The following R3HDM1 variants were observed in gnomAD, a reference collection of about 807,000 sequenced individuals.
R3HDM1 encodes the protein R3H domain containing 1, also known as R3H domain-containing protein 1.
R3HDM1 carries 46 observed loss-of-function variants against 141.1 expected under a neutral mutation model. That is an observed-to-expected ratio of 0.33 (90% CI 0.26 to 0.42). The LOEUF is 0.42. Ranked by LOEUF, R3HDM1 falls within the 10% of genes least tolerant of loss-of-function variation. The pLI, the probability that R3HDM1 is intolerant of heterozygous loss-of-function variation, is 1.00. For missense variants in R3HDM1, 1,184 were observed against 1,368.3 expected, an observed-to-expected ratio of 0.87 and a Z score of 2.12; for synonymous variants, 435 against 472.9, an observed-to-expected ratio of 0.92 and a Z score of 1.04.
chr2:135,571,875 C>T (rs1379574857), intron 1 of R3HDM1, among the ~76,000 whole-genome samples: 2 of 152,218 alleles, frequency 1.3e-5, no homozygotes, highest in Non-Finnish European at 2.9e-5. Flanking sequence ...ATCTACCCGC[C>T]TTGGCTTCCC....
chr2:135,545,094 C>G (rs1698408727), intron 1 of R3HDM1, among the ~76,000 whole-genome samples: 1 of 152,146 alleles, frequency 6.6e-6, no homozygotes, highest in Non-Finnish European at 1.5e-5. Flanking sequence ...AAAATAAATT[C>G]CTGTGGTTAA....
intron 11 of R3HDM1, 108 bp downstream of exon 11, chr2:135,636,291 G>C: frequency 6.9e-7 from 1 of 1,446,008 alleles, no homozygotes; most frequent in Non-Finnish European, 9.1e-7. Flanking sequence ...AATCACATTT[G>C]TTGCACATAA....
chr2:135,626,205 G>GCTTGCTTGCTTGCTTGCT (rs2062014749), intron 7 of R3HDM1, among the ~76,000 whole-genome samples: 1 of 116,136 alleles, frequency 8.6e-6, no homozygotes, highest in African/African-American at 4.3e-5. Context: ...GCGTGCGTGC[G>GCTTGCTTGCTTGCTTGCT]TGCGTGCTTG....
chr2:135,693,817 G>A (rs2072806883), intron 21 of R3HDM1, among the ~76,000 whole-genome samples: 1 of 152,036 alleles, frequency 6.6e-6, no homozygotes, highest in Non-Finnish European at 1.5e-5. Context: ...AGACCAGCCT[G>A]GCCAACATAG....
chr2:135,620,340 G>A, intron 5 of R3HDM1: 1 of 875,398 alleles, frequency 1.1e-6, no homozygotes, highest in Non-Finnish European at 1.4e-6. Context: ...GTTATGAAAA[G>A]CGTAAAGAAA....
At chr2:135,697,051 C>G (rs1460666624) in intron 21 of R3HDM1, among the ~76,000 whole-genome samples, 1 of 151,788 alleles carries the variant, frequency 6.6e-6, no homozygotes, top group Non-Finnish European at 1.5e-5. Flanking sequence ...GGTGAGAGAT[C>G]GGGGGGAAAC....
chr2:135,690,294 T>C (rs956140525), intron 21 of R3HDM1, among the ~76,000 whole-genome samples: 1 of 152,160 alleles, frequency 6.6e-6, no homozygotes, highest in African/African-American at 2.4e-5. Context: ...AGTCTGTCGA[T>C]CTGAACTATA....
chr2:135,616,022 A>C, intron 3 of R3HDM1, 130 bp from the exon 4 acceptor site: 1 of 800,612 alleles, frequency 1.2e-6, no homozygotes, highest in East Asian at 2.9e-5. Flanking sequence ...CTTTACTGAA[A>C]CCAACTTTGA....
intron 1 of R3HDM1, among the ~76,000 whole-genome samples, chr2:135,555,296 C>CA (rs59569889): frequency 0.11 from 8,691 of 79,406 alleles, 564 homozygotes; most frequent in African/African-American, 0.23. Context: ...ACTCTTGTCT[C>CA]AAAAAAAAAA....
At chr2:135,631,661 T>C in intron 7 of R3HDM1, 57 bp from the exon 8 acceptor site, 1 of 1,406,832 alleles carries the variant, frequency 7.1e-7, no homozygotes, top group Non-Finnish European at 9.6e-7. Flanking sequence ...GCTGTTGACA[T>C]TTGTGATTAC....
intron 1 of R3HDM1, among the ~76,000 whole-genome samples, chr2:135,568,100 G>C (rs1180856336): frequency 6.6e-6 from 1 of 151,076 alleles, no homozygotes; most frequent in Non-Finnish European, 1.5e-5. Context: ...CTGTCACCCA[G>C]GCTGAAGTGC....
rs147536237 is a variant in R3HDM1 at position 135,641,746 on chromosome 2, C to T, written c.1430C>T (p.Ala477Val). 1.9e-5 allele frequency: 31 copies of T among 1,613,978 alleles called. No homozygotes were observed. Among genetic ancestry groups the T allele is most frequent in the Admixed American group, 5.0e-5 (3 of 59,992 alleles). The change falls in exon 15 of 27, where the codon GCG becomes GTG. Residue 477 changes from alanine (A) to valine (V), a missense_variant. Physicochemically the swap from Ala to Val is moderately conservative, Grantham distance 64. Around this residue, in one of 5 missense-constraint regions of R3HDM1, gnomAD observed 563 missense variants for 562.0 expected, o/e 1.00. Transcript: ENST00000683871. ...STSFFLLPLE[A>V]AGIPPGSILI... ...AGCTTCTTTTTGCTTCCCTTGGAAG[C>T]GGCAGGCATACCACCTGGCAGTATT... is the stretch of plus-strand genomic sequence containing the variant.
intron 21 of R3HDM1, among the ~76,000 whole-genome samples, chr2:135,708,292 G>T (rs542891165): frequency 6.6e-6 from 1 of 152,036 alleles, no homozygotes; most frequent in African/African-American, 2.4e-5. Context: ...CTTCTGCCCC[G>T]CAAATATTGC....
chr2:135,565,067 C>A (rs1439997496), intron 1 of R3HDM1, among the ~76,000 whole-genome samples: 5 of 152,026 alleles, frequency 3.3e-5, no homozygotes, highest in African/African-American at 1.2e-4. Flanking sequence ...ACAGCCAGTT[C>A]TAGTGTGTAC....
At chr2:135,624,496 A>G (rs985694435) in intron 7 of R3HDM1, among the ~76,000 whole-genome samples, 26 of 152,138 alleles carry the variant, frequency 1.7e-4, no homozygotes, top group African/African-American at 5.5e-4. Context: ...CCAACACCCT[A>G]TGGCAGTGAG....
At chr2:135,559,005 A>C (rs1701271316) in intron 1 of R3HDM1, 1 of 984,062 alleles carries the variant, frequency 1.0e-6, no homozygotes, top group East Asian at 1.1e-4. Flanking sequence ...TTTTACAAAA[A>C]CTTAAAACTA....
intron 1 of R3HDM1, among the ~76,000 whole-genome samples, chr2:135,580,732 C>T (rs890107685): frequency 8.5e-5 from 13 of 152,182 alleles, no homozygotes; most frequent in African/African-American, 3.1e-4. Context: ...AAACAACAAA[C>T]TCTTAGCTTT....
intron 7 of R3HDM1, among the ~76,000 whole-genome samples, chr2:135,625,706 G>T (rs2061948285): frequency 6.6e-6 from 1 of 152,050 alleles, no homozygotes; most frequent in Non-Finnish European, 1.5e-5. Context: ...TCTCCTGGAT[G>T]AGGAGATTGG....
At chr2:135,535,499 AAAATAAATAAATAAATAAAT>A (rs3050151) in intron 1 of R3HDM1, among the ~76,000 whole-genome samples, 21 of 143,846 alleles carry the variant, frequency 1.5e-4, no homozygotes, top group African/African-American at 4.3e-4. Context: ...CTTTGTCTCA[AAAATAAATAAATAAATAAAT>A]AAATAAATAA....
Sources: allele counts gnomAD v4.1 joint callset (sites outside exome capture counted in the v4.1 genomes callset), GRCh38; gene constraint gnomAD v4.1.1; regional missense constraint gnomAD v4.1.1; transcripts MANE v1.5; gene names NCBI Gene and HGNC (gene_info 2026-07-23, HGNC 2026-07-21).